Variants in WWOX observed in about 807,000 individuals in gnomAD.
WWOX encodes WW domain containing oxidoreductase.
In WWOX, 69 loss-of-function variants were observed where a neutral mutation model predicts 46.2. The ratio of observed to expected loss-of-function variants is 1.49; its 90% CI spans 1.23 to 1.82. The LOEUF (loss-of-function observed/expected upper bound fraction) is 1.82, where lower values mean the gene tolerates loss of function less well. Ranked by LOEUF, WWOX falls within the 40% of genes most tolerant of loss-of-function variation. The probability of loss-of-function intolerance (pLI) is 0.00; values close to 1 mark genes in which losing one functional copy is unlikely to be tolerated. For synonymous variants in WWOX, 359 were observed against 202.6 expected, an observed-to-expected ratio of 1.77 and a Z score of -6.56; for missense variants, 919 against 542.6, an observed-to-expected ratio of 1.69 and a Z score of -6.89.
intron 5 of WWOX, among the ~76,000 whole-genome samples, chr16:78,372,513 G>C (rs2081716525): frequency 6.6e-6 from 1 of 152,188 alleles, no homozygotes; most frequent in African/African-American, 2.4e-5. Context: ...CTTGTAGTAA[G>C]AGAGCATTCT....
intron 8 of WWOX, among the ~76,000 whole-genome samples, chr16:78,826,362 G>C (rs2051657182): frequency 6.6e-6 from 1 of 152,200 alleles, no homozygotes; most frequent in African/African-American, 2.4e-5. Context: ...AACAGCAACA[G>C]AAATGTATTC....
At chr16:78,859,385 G>C (rs899383759) in intron 8 of WWOX, among the ~76,000 whole-genome samples, 1 of 152,054 alleles carries the variant, frequency 6.6e-6, no homozygotes, top group African/African-American at 2.4e-5. Flanking sequence ...GAAAAGAGCA[G>C]AGGTACCTTG....
At chr16:78,593,536 C>A (rs527574923) in intron 8 of WWOX, among the ~76,000 whole-genome samples, 38 of 152,270 alleles carry the variant, frequency 2.5e-4, no homozygotes, top group African/African-American at 8.2e-4. Context: ...TCCTGATTCC[C>A]GGCCACAGTG....
At chr16:78,633,099 C>T (rs1358416470) in intron 8 of WWOX, among the ~76,000 whole-genome samples, 1 of 151,988 alleles carries the variant, frequency 6.6e-6, no homozygotes, top group Admixed American at 6.5e-5. Flanking sequence ...CCTGTCTCTA[C>T]TACAAATAAA....
intron 5 of WWOX, among the ~76,000 whole-genome samples, chr16:78,191,148 G>C (rs2035870885): frequency 6.6e-6 from 1 of 152,180 alleles, no homozygotes; most frequent in South Asian, 2.1e-4. Flanking sequence ...TGGACCGCTA[G>C]ACCACAGAGC....
intron 8 of WWOX, among the ~76,000 whole-genome samples, chr16:79,042,028 T>C (rs2047981180): frequency 6.6e-6 from 1 of 152,274 alleles, no homozygotes; most frequent in East Asian, 1.9e-4. Context: ...TATCCTACTC[T>C]TTATGTTCCA....
At chr16:79,085,646 A>T (rs975551538) in intron 8 of WWOX, among the ~76,000 whole-genome samples, 31 of 152,346 alleles carry the variant, frequency 2.0e-4, no homozygotes, top group African/African-American at 6.5e-4. Flanking sequence ...TTTCAAAATT[A>T]TATCATCTTT....
At chr16:78,270,429 T>C (rs2079453791) in intron 5 of WWOX, 1 of 152,288 alleles carries the variant, frequency 6.6e-6, no homozygotes, top group African/African-American at 2.4e-5. Flanking sequence ...CAGATTTGCT[T>C]GATAAAGGTT....
At chr16:78,276,916 C>T (rs1222742275) in intron 5 of WWOX, among the ~76,000 whole-genome samples, 2 of 152,126 alleles carry the variant, frequency 1.3e-5, no homozygotes, top group East Asian at 3.9e-4. Flanking sequence ...TATTTATTCA[C>T]GTCTGAGATT....
intron 8 of WWOX, among the ~76,000 whole-genome samples, chr16:78,861,168 TCC>T (rs2043877396): frequency 6.6e-6 from 1 of 152,046 alleles, no homozygotes; most frequent in Non-Finnish European, 1.5e-5. Flanking sequence ...CTCTCTTTCT[TCC>T]TCTCTTTGCT....
chr16:79,201,670 G>C (rs1366153384), intron 8 of WWOX, among the ~76,000 whole-genome samples: 2 of 152,154 alleles, frequency 1.3e-5, no homozygotes, highest in East Asian at 1.9e-4. Flanking sequence ...ATGGATACCT[G>C]AGGTAATAGC....
At chr16:79,133,134 A>G (rs1291447817) in intron 8 of WWOX, among the ~76,000 whole-genome samples, 3 of 152,240 alleles carry the variant, frequency 2.0e-5, no homozygotes, top group African/African-American at 7.2e-5. Context: ...CTAATTTAGC[A>G]TGGTGTGTGC....
chr16:78,172,839 G>A (rs568075368), intron 5 of WWOX, among the ~76,000 whole-genome samples: 135 of 152,270 alleles, frequency 8.9e-4, no homozygotes, highest in Middle Eastern at 3.4e-3. Flanking sequence ...TTGAAGAGAC[G>A]GATTTCATGT....
intron 8 of WWOX, among the ~76,000 whole-genome samples, chr16:78,801,425 C>A (rs1453868982): frequency 1.3e-5 from 2 of 152,160 alleles, no homozygotes; most frequent in Non-Finnish European, 2.9e-5. Flanking sequence ...AGGAAGGTCA[C>A]TTGAACCCAG....
At chr16:78,662,171 G>C (rs1012767347) in intron 8 of WWOX, among the ~76,000 whole-genome samples, 11 of 152,140 alleles carry the variant, frequency 7.2e-5, no homozygotes, top group African/African-American at 2.4e-4. Context: ...GCACAGTGGG[G>C]AGCTACTCTG....
intron 8 of WWOX, among the ~76,000 whole-genome samples, chr16:79,066,042 C>T (rs1233518079): frequency 6.6e-6 from 1 of 152,228 alleles, no homozygotes; most frequent in Non-Finnish European, 1.5e-5. Context: ...TCATCATGAT[C>T]TGTGGAGCCT....
intron 8 of WWOX, among the ~76,000 whole-genome samples, chr16:79,127,749 G>A (rs995140482): frequency 2.6e-5 from 4 of 152,144 alleles, no homozygotes; most frequent in Non-Finnish European, 5.9e-5. Flanking sequence ...CGACAGTTAG[G>A]GTGGCATTTC....
chr16:78,424,855 T>C lies in WWOX; in HGVS notation c.606-15T>C. ...GTGTTTATGTCCACATCACATGGGA[T>C]ATTTTATTTTTCAGGCCTCTTCATG... is the stretch of plus-strand genomic sequence containing the variant. On this transcript the variant is annotated splice_polypyrimidine_tract_variant and intron_variant, in intron 6 of 8. Coordinates refer to ENST00000566780, the MANE Select transcript of WWOX (RefSeq NM_016373.4). 1.2e-6 allele frequency: 2 copies of C among 1,614,088 alleles called. No individual in the cohort carries two copies. The highest frequency in any genetic ancestry group is 1.7e-6 in the Non-Finnish European group (2 of 1,179,986).
intron 8 of WWOX, among the ~76,000 whole-genome samples, chr16:79,062,351 A>G (rs1597338193): frequency 6.6e-6 from 1 of 152,328 alleles, no homozygotes; most frequent in East Asian, 1.9e-4. Context: ...AGAAAAGGTA[A>G]TGGGGACCTC....
Sources: allele counts gnomAD v4.1 joint callset (sites outside exome capture counted in the v4.1 genomes callset), GRCh38; gene constraint gnomAD v4.1.1; transcripts MANE v1.5; gene names NCBI Gene and HGNC (gene_info 2026-07-23, HGNC 2026-07-21).